Variants in DLG2 observed in about 807,000 individuals in gnomAD.
DLG2 encodes disks large homolog 2.
A neutral mutation model predicts 132.5 loss-of-function variants in DLG2; 45 were observed. The observed-to-expected ratio is 0.34, with a 90% CI of 0.27 to 0.44. The LOEUF is 0.44. Among genes scored for constraint, DLG2 ranks in the 20% least tolerant of loss-of-function variants. The pLI is 1.00. For synonymous variants in DLG2, 424 were observed against 419.6 expected (o/e 1.01, Z -0.13); for missense variants, 1,045 against 1,196.9 (o/e 0.87, Z 1.87).
chr11:85,486,801 T>C (rs547736824), intron 3 of DLG2, among the ~76,000 whole-genome samples: 1 of 151,968 alleles, frequency 6.6e-6, no homozygotes, highest in South Asian at 2.1e-4. Flanking sequence ...CCCCCCCTGC[T>C]ACTACCAGCA....
At chr11:83,626,433 G>A (rs1010075390) in intron 19 of DLG2, among the ~76,000 whole-genome samples, 3 of 152,106 alleles carry the variant, frequency 2.0e-5, no homozygotes, top group Admixed American at 6.5e-5. Context: ...TACATTGCAG[G>A]TAAGTACAAA....
chr11:83,520,567 C>A, intron 21 of DLG2, among the ~76,000 whole-genome samples: 1 of 151,832 alleles, frequency 6.6e-6, no homozygotes, highest in Non-Finnish European at 1.5e-5. Context: ...AGCTAACTAG[C>A]TAGGTAGGTA....
At chr11:84,400,570 C>G (rs188025799) in intron 7 of DLG2, among the ~76,000 whole-genome samples, 10 of 152,138 alleles carry the variant, frequency 6.6e-5, no homozygotes, top group African/African-American at 2.4e-4. Context: ...CCCTCCTTAC[C>G]AAATTCTTTA....
At chr11:84,424,533 T>C (rs1199312960) in intron 7 of DLG2, among the ~76,000 whole-genome samples, 1 of 152,140 alleles carries the variant, frequency 6.6e-6, no homozygotes, top group African/African-American at 2.4e-5. Context: ...ACTATTATTC[T>C]CATTTTATAG....
intron 3 of DLG2, among the ~76,000 whole-genome samples, chr11:85,295,906 G>T (rs1462741170): frequency 6.6e-6 from 1 of 152,090 alleles, no homozygotes; most frequent in African/African-American, 2.4e-5. Flanking sequence ...TCCAGCTGAT[G>T]AATGCCAAGG....
intron 10 of DLG2, among the ~76,000 whole-genome samples, chr11:84,082,473 C>G (rs2096918884): frequency 2.0e-5 from 3 of 152,190 alleles, no homozygotes; most frequent in African/African-American, 7.2e-5. Flanking sequence ...ATCTTTTTCA[C>G]TATCTTTTTA....
At chr11:83,699,021 C>G (rs959663479) in intron 18 of DLG2, among the ~76,000 whole-genome samples, 2 of 152,134 alleles carry the variant, frequency 1.3e-5, no homozygotes, top group Non-Finnish European at 2.9e-5. Flanking sequence ...AAAAATAGTT[C>G]TGAATATATG....
intron 7 of DLG2, among the ~76,000 whole-genome samples, chr11:84,533,265 C>T (rs759521517): frequency 2.6e-5 from 4 of 152,138 alleles, no homozygotes; most frequent in South Asian, 2.1e-4. Context: ...CGCATGACAT[C>T]GATGTCGTGT....
intron 4 of DLG2, among the ~76,000 whole-genome samples, chr11:85,270,998 C>A (rs931634747): frequency 6.6e-6 from 1 of 152,172 alleles, no homozygotes; most frequent in African/African-American, 2.4e-5. Flanking sequence ...CAGACATTTG[C>A]ATAAATAATG....
At chr11:84,027,008 A>T (rs988244050) in intron 11 of DLG2, among the ~76,000 whole-genome samples, 1 of 151,886 alleles carries the variant, frequency 6.6e-6, no homozygotes, top group Non-Finnish European at 1.5e-5. Context: ...ATTACTCTTC[A>T]AATCAAGTGT....
At chr11:84,057,299 T>C (rs186323086) in intron 11 of DLG2, among the ~76,000 whole-genome samples, 2 of 152,212 alleles carry the variant, frequency 1.3e-5, no homozygotes, top group Non-Finnish European at 2.9e-5. Flanking sequence ...GGTCTATAAA[T>C]GCATGATGTT....
At chr11:84,618,486 C>T (rs1049583791) in intron 6 of DLG2, among the ~76,000 whole-genome samples, 2 of 151,974 alleles carry the variant, frequency 1.3e-5, no homozygotes, top group Admixed American at 6.6e-5. Context: ...AAATGACACA[C>T]AAAATCCTAT....
chr11:85,031,092 A>G (rs1175669471), intron 6 of DLG2, among the ~76,000 whole-genome samples: 1 of 151,842 alleles, frequency 6.6e-6, no homozygotes, highest in Non-Finnish European at 1.5e-5. Flanking sequence ...TTTTATATAT[A>G]GGTTCTATTT....
At chr11:83,694,378 G>A (rs753526161) in intron 18 of DLG2, among the ~76,000 whole-genome samples, 3 of 152,164 alleles carry the variant, frequency 2.0e-5, no homozygotes. Context: ...GAAGAACAAA[G>A]GCCATTGTCC....
rs530650098 is a variant in DLG2, at chr11:83,758,877, T to C, written c.1825+27813A>G. 4.6e-5 allele frequency among the ~76,000 whole-genome samples: 7 copies of C among 152,334 alleles called. No individual in the cohort carries two copies. In the South Asian group the frequency reaches 1.5e-3, roughly 32 times the overall value. On this transcript the variant is annotated intron_variant, in intron 18 of 27. Transcript: ENST00000376104. ...TCTTAGGATATTTACCATTTTGTAA[T>C]ATAATATTTTTATGGATACGACTGC...
At chr11:85,511,394 A>G (rs568964746) in intron 3 of DLG2, among the ~76,000 whole-genome samples, 7 of 152,166 alleles carry the variant, frequency 4.6e-5, no homozygotes, top group Admixed American at 1.3e-4. Flanking sequence ...TAAAAAAAGA[A>G]ATATGTCTTA....
chr11:84,828,514 G>C (rs1040706321), intron 6 of DLG2, among the ~76,000 whole-genome samples: 5 of 151,710 alleles, frequency 3.3e-5, no homozygotes, highest in South Asian at 2.1e-4. Flanking sequence ...AAAGAAAAGA[G>C]CACTTACAGA....
At chr11:83,982,585 A>G (rs1476115099) in intron 11 of DLG2, among the ~76,000 whole-genome samples, 1 of 152,118 alleles carries the variant, frequency 6.6e-6, no homozygotes, top group African/African-American at 2.4e-5. Flanking sequence ...TGTTATTACA[A>G]AAGAGTCAAA....
At chr11:84,591,151 T>A (rs980998369) in intron 6 of DLG2, among the ~76,000 whole-genome samples, 2 of 151,892 alleles carry the variant, frequency 1.3e-5, no homozygotes, top group South Asian at 4.2e-4. Context: ...TCATACTCCA[T>A]GCTGTTGTCA....
Sources: allele counts gnomAD v4.1 joint callset (sites outside exome capture counted in the v4.1 genomes callset), GRCh38; gene constraint gnomAD v4.1.1; transcripts MANE v1.5; gene names NCBI Gene and HGNC (gene_info 2026-07-23, HGNC 2026-07-21).